Variants in ZNF555 observed in about 807,000 individuals in gnomAD.
ZNF555 encodes zinc finger protein 555.
In ZNF555, 10 loss-of-function variants were observed where a neutral mutation model predicts 14.0. The observed-to-expected ratio is 0.72, with a 90% CI of 0.44 to 1.21. The LOEUF (loss-of-function observed/expected upper bound fraction) is 1.21. Ranked by LOEUF, ZNF555 falls within the 50% of genes most tolerant of loss-of-function variation. The probability of loss-of-function intolerance (pLI) is 0.00; values close to 1 mark genes in which losing one functional copy is unlikely to be tolerated. For synonymous variants in ZNF555, 277 were observed against 262.4 expected (o/e 1.06, Z -0.54); for missense variants, 747 against 762.0 (o/e 0.98, Z 0.23).
chr19:2,842,758 C>T lies in ZNF555; in HGVS notation c.3+1183C>T, dbSNP rs2087548548. On this transcript the variant is annotated intron_variant, in intron 1 of 3. Transcript: ENST00000334241. ...GTAGAAGTTGGAAGATAAAATATTT[C>T]CAGGCCGGGCGCGGTGGCTCAAGCC... Among the ~76,000 whole-genome samples the T allele has an allele frequency of 2.0e-5, 3 of 152,072 alleles. No homozygotes were observed. In the South Asian group the frequency reaches 6.2e-4, roughly 31 times the overall value.
At chr19:2,851,989 A>G (rs2144854255) in intron 3 of ZNF555, among the ~76,000 whole-genome samples, 1 of 152,244 alleles carries the variant, frequency 6.6e-6, no homozygotes, top group East Asian at 1.9e-4. Flanking sequence ...TGTCTCTACT[A>G]AAAATACAAA....
rs2087659583 is a variant in ZNF555, at chr19:2,853,725, C to T, written c.1660C>T (p.His554Tyr). The T allele has an allele frequency of 1.3e-6, 2 of 1,587,292 alleles. No individual in the cohort carries two copies. The highest frequency in any genetic ancestry group is 1.7e-6 in the Non-Finnish European group (2 of 1,167,770). ...VFKWPSSLPI[H>Y]MRLHTGEKPY... ...CAAATGGCCATCATCTTTACCAATA[C>T]ATATGAGACTGCACACTGGAGAGAA... Residue 554 changes from histidine (H) to tyrosine (Y), a missense_variant, in exon 4 of 4, where the codon CAT (histidine) becomes TAT (tyrosine). Transcript: ENST00000334241.
In ZNF555 at chr19:2,853,651, C is replaced by T. The variant is rs200533660; in HGVS notation, c.1586C>T (p.Thr529Met). The part of the protein sequence containing the change: ...WPELLQQHVR[T>M]HTVEKPYECK... Reference sequence around the variant, plus strand: ...GAACTTTTGCAACAACATGTGAGAACGCACACTGTAGAGAAGCCCTATGAA... The same window carrying T: ...GAACTTTTGCAACAACATGTGAGAATGCACACTGTAGAGAAGCCCTATGAA... Residue 529 changes from threonine to methionine, a missense_variant, in exon 4 of 4, where the codon ACG (threonine) becomes ATG (methionine). Coordinates refer to ENST00000334241, the MANE Select transcript of ZNF555 (RefSeq NM_152791.5). The T allele has an allele frequency of 5.9e-5, 94 of 1,595,514 alleles. No individual in the cohort carries two copies. In the Middle Eastern group the frequency reaches 1.2e-3, roughly 20 times the overall value.
At chr19:2,848,156 C>CT (rs60198246) in intron 1 of ZNF555, among the ~76,000 whole-genome samples, 35,006 of 144,438 alleles carry the variant, frequency 0.24, 5,408 homozygotes, top group East Asian at 0.67. Flanking sequence ...GTTTTCTTTT[C>CT]TTTTTTTTTT....
At position 2,853,644 on chromosome 19, in the gene ZNF555, G is replaced by A. The variant is rs2087658428; in HGVS notation, c.1579G>A (p.Val527Met). The change falls in exon 4 of 4, where the codon GTG becomes ATG. Residue 527 changes from valine to methionine, a missense_variant. Coordinates refer to ENST00000334241, the MANE Select transcript of ZNF555 (RefSeq NM_152791.5). Reference protein sequence around the residue: ...FSWPELLQQHVRTHTVEKPYE... With the variant: ...FSWPELLQQHMRTHTVEKPYE... Reference sequence around the variant, plus strand: ...TTGGCCTGAACTTTTGCAACAACATGTGAGAACGCACACTGTAGAGAAGCC... The same window carrying A: ...TTGGCCTGAACTTTTGCAACAACATATGAGAACGCACACTGTAGAGAAGCC... The A allele has an allele frequency of 6.3e-7, 1 of 1,599,082 alleles. No homozygotes were observed. The highest frequency in any genetic ancestry group is 8.5e-7 in the Non-Finnish European group (1 of 1,172,916).
At chr19:2,847,484 A>G (rs1288364142) in intron 1 of ZNF555, 1 of 152,214 alleles carries the variant, frequency 6.6e-6, no homozygotes, top group East Asian at 1.9e-4. Context: ...CCTAAAACTT[A>G]AAGTATAATA....
rs1479433899 is a variant in ZNF555, at chr19:2,853,841, T to C, written c.1776T>C (p.Tyr592=). The change falls in exon 4 of 4, where the codon TAT becomes TAC. Residue 592 remains tyrosine (Y), a synonymous_variant. Coordinates refer to ENST00000334241, the MANE Select transcript of ZNF555 (RefSeq NM_152791.5). ...GAATACACACTACAGAAAAACAGTA[T>C]AAGTGTAATGTAGGACATCCTCCTG... ...HVRIHTTEKQ[Y]KCNVGHPPAN... 1 of 1,614,008 alleles carries C rather than the reference T, an allele frequency of 6.2e-7. No individual in the cohort carries two copies. Among genetic ancestry groups the C allele is most frequent in the East Asian group, 2.2e-5 (1 of 44,878 alleles).
rs1164345708 is a variant in ZNF555 at position 2,853,067 on chromosome 19, C to T, written c.1002C>T (p.His334=). 1 of 1,614,056 alleles carries T rather than the reference C, an allele frequency of 6.2e-7. No homozygotes were observed. Among genetic ancestry groups the T allele is most frequent in the African/African-American group, 1.3e-5 (1 of 74,920 alleles). The change falls in exon 4 of 4, where the codon CAC becomes CAT. Residue 334 remains histidine, a synonymous_variant. Coordinates refer to ENST00000334241, the MANE Select transcript of ZNF555 (RefSeq NM_152791.5). The part of the protein sequence containing the change: ...SSAFRRHMIT[H]TGEKPYECKQ... ...CTTTTCGAAGACACATGATAACACACACTGGAGAGAAACCCTACGAATGCA... is the reference window on the plus strand; with the variant it reads ...CTTTTCGAAGACACATGATAACACATACTGGAGAGAAACCCTACGAATGCA...
intron 1 of ZNF555, among the ~76,000 whole-genome samples, chr19:2,844,262 C>T (rs1341254271): frequency 1.3e-5 from 2 of 152,156 alleles, no homozygotes; most frequent in Admixed American, 6.6e-5. Flanking sequence ...GCCACCACGC[C>T]CAGCTAATTT....
At chr19:2,851,902 G>A (rs2087633253) in intron 3 of ZNF555, among the ~76,000 whole-genome samples, 1 of 152,184 alleles carries the variant, frequency 6.6e-6, no homozygotes. Flanking sequence ...TGTAATCCTG[G>A]CACTTTGGAA....
rs961716581 is a variant in ZNF555 at position 2,841,568 on chromosome 19, G to A, written c.-5G>A. ...GCGCCGGTAGCGAAGAAATCGCCCC[G>A]GGACATGGTGAGTGTGGCGCAGGAG... On this transcript the variant is annotated 5_prime_UTR_variant, in exon 1 of 4. Transcript: ENST00000334241. The A allele has an allele frequency of 1.7e-5, 26 of 1,543,524 alleles. No individual in the cohort carries two copies. The highest frequency in any genetic ancestry group is 2.1e-5 in the Non-Finnish European group (24 of 1,143,774).
chr19:2,851,240 CCCGCCTCAG>C (rs1317335620), intron 2 of ZNF555, among the ~76,000 whole-genome samples: 1 of 152,136 alleles, frequency 6.6e-6, no homozygotes, highest in Non-Finnish European at 1.5e-5. Flanking sequence ...TTGTGATCCA[CCCGCCTCAG>C]CCTCCCAAAG....
rs561780682 is a variant in ZNF555, at chr19:2,856,596, A to C, written c.*2644A>C. 1 of 152,334 alleles carries C rather than the reference A, an allele frequency of 6.6e-6. No homozygotes were observed. The highest frequency in any genetic ancestry group is 2.1e-4 in the South Asian group (1 of 4,832). 9.4% of individuals were successfully genotyped at this position (152,334 alleles called of 1,614,324 possible). On this transcript the variant is annotated 3_prime_UTR_variant, in exon 4 of 4. Coordinates refer to ENST00000334241, the MANE Select transcript of ZNF555 (RefSeq NM_152791.5). The stretch of plus-strand genomic sequence containing the variant: ...TCTACCCAGAAACCACCAGGATCAC[A>C]CTGGTAGTCAAAGAAAATTTGCTGT...
chr19:2,842,085 C>T (rs765703887), intron 1 of ZNF555, among the ~76,000 whole-genome samples: 11 of 152,044 alleles, frequency 7.2e-5, no homozygotes, highest in Non-Finnish European at 1.5e-4. Flanking sequence ...GGCTCAGCTC[C>T]TTGGAGGCCC....
At position 2,852,777 on chromosome 19, in the gene ZNF555, A is replaced by T; in HGVS notation, c.712A>T (p.Ile238Phe). The change falls in exon 4 of 4, where the codon ATT becomes TTT. Residue 238 changes from isoleucine to phenylalanine, a missense_variant. Coordinates refer to ENST00000334241, the MANE Select transcript of ZNF555 (RefSeq NM_152791.5). Reference sequence around the variant, plus strand: ...ATGTAAGCAATGTGGGAAAGCCTTTATTGACTTCTCAAGTCTTACTAGTCA... The same window carrying T: ...ATGTAAGCAATGTGGGAAAGCCTTTTTTGACTTCTCAAGTCTTACTAGTCA... ...YECKQCGKAF[I>F]DFSSLTSHLR... 6.2e-7 allele frequency: 1 copy of T among 1,614,192 alleles called. No homozygotes were observed. Among genetic ancestry groups the T allele is most frequent in the Non-Finnish European group, 8.5e-7 (1 of 1,180,022 alleles).
chr19:2,852,633 C>T lies in ZNF555; in HGVS notation c.568C>T (p.His190Tyr). 6.2e-7 allele frequency: 1 copy of T among 1,614,180 alleles called. No homozygotes were observed. The highest frequency in any genetic ancestry group is 8.5e-7 in the Non-Finnish European group (1 of 1,180,036). ...AYSCRSHLRM[H>Y]VRTHNGERPY... ...CAGTTGTCGTTCACACCTAAGAATG[C>T]ATGTGAGAACCCACAATGGAGAGAG... is the stretch of plus-strand genomic sequence containing the variant. The change falls in exon 4 of 4, where the codon CAT becomes TAT. Residue 190 changes from histidine (H) to tyrosine (Y), a missense_variant. Physicochemically the swap from His to Tyr is moderately conservative, Grantham distance 83. Coordinates refer to ENST00000334241, the MANE Select transcript of ZNF555 (RefSeq NM_152791.5).
chr19:2,851,165 T>C (rs1444592788), intron 2 of ZNF555, among the ~76,000 whole-genome samples: 2 of 151,852 alleles, frequency 1.3e-5, no homozygotes, highest in African/African-American at 2.4e-5. Flanking sequence ...CCCTGGCCAA[T>C]TTTTGTATTT....
chr19:2,848,608 C>G (rs1048303769), intron 1 of ZNF555, among the ~76,000 whole-genome samples: 3 of 151,936 alleles, frequency 2.0e-5, no homozygotes, highest in African/African-American at 7.3e-5. Flanking sequence ...GCCACCACGC[C>G]CGGCTAATTT....
At position 2,860,221 on chromosome 19, in the gene ZNF555, A is replaced by G. The variant is rs935344157; in HGVS notation, c.*6269A>G. The G allele has an allele frequency of 6.6e-6, 1 of 151,632 alleles. No individual in the cohort carries two copies. Among genetic ancestry groups the G allele is most frequent in the Non-Finnish European group, 1.5e-5 (1 of 67,936 alleles). 9.4% of individuals were successfully genotyped at this position (151,632 alleles called of 1,614,324 possible). ...TTTTCCTAGTGACAAAGTCTGGGTA[A>G]TTCTGTGGGGACATATATTGGTGTA... On this transcript the variant is annotated 3_prime_UTR_variant, in exon 4 of 4. Coordinates refer to ENST00000334241, the MANE Select transcript of ZNF555 (RefSeq NM_152791.5).
Sources: gnomAD v4.1 joint callset for allele counts (sites outside exome capture counted in the v4.1 genomes callset) on GRCh38, gnomAD v4.1.1 for gene constraint, MANE v1.5 for transcripts, NCBI Gene and HGNC (gene_info 2026-07-23, HGNC 2026-07-21) for gene names.